The following NFIB variants were observed in gnomAD, a reference collection of about 807,000 sequenced individuals.
The protein encoded by NFIB is nuclear factor 1 B-type.
A neutral mutation model predicts 61.5 loss-of-function variants in NFIB; 11 were observed. The observed-to-expected ratio is 0.18, with a 90% confidence interval of 0.11 to 0.30. The LOEUF is 0.30. Among genes scored for constraint, NFIB ranks in the 10% least tolerant of loss-of-function variants. NFIB has a pLI of 1.00. For missense variants in NFIB, 471 were observed against 608.9 expected (o/e 0.77, Z 2.38); for synonymous variants, 260 against 216.5 (o/e 1.20, Z -1.76).
At chr9:14,147,862 G>A (rs1201004759) in intron 5 of NFIB, among the ~76,000 whole-genome samples, 1 of 151,754 alleles carries the variant, frequency 6.6e-6, no homozygotes, top group Non-Finnish European at 1.5e-5. Flanking sequence ...GGCTGGTGTT[G>A]AATTCCTGGA....
chr9:14,226,168 C>T (rs937869084), intron 2 of NFIB, among the ~76,000 whole-genome samples: 3 of 151,728 alleles, frequency 2.0e-5, no homozygotes, highest in Non-Finnish European at 2.9e-5. Flanking sequence ...CATTGAGATA[C>T]GGATCATCTC....
At chr9:14,378,656 C>G (rs2061448593) in intron 1 of NFIB, among the ~76,000 whole-genome samples, 1 of 152,166 alleles carries the variant, frequency 6.6e-6, no homozygotes, top group African/African-American at 2.4e-5. Context: ...CACCCAGCCC[C>G]AATTACTTTA....
At chr9:14,408,365 T>C in the NFIB span, among the ~76,000 whole-genome samples, 1 of 152,220 alleles carries the variant, frequency 6.6e-6, no homozygotes, top group South Asian at 2.1e-4. Flanking sequence ...TCATCAACTA[T>C]GAGTAGTTCT....
chr9:14,318,505 CTTTTTTTTTTT>C (rs34481505), upstream of NFIB, among the ~76,000 whole-genome samples: 4 of 66,842 alleles, frequency 6.0e-5, no homozygotes, highest in Non-Finnish European at 7.8e-5. Flanking sequence ...CACTCGATGC[CTTTTTTTTTTT>C]TTTTTTTTTT....
chr9:14,365,069 G>A (rs920369895), intron 1 of NFIB, among the ~76,000 whole-genome samples: 38 of 152,194 alleles, frequency 2.5e-4, no homozygotes, highest in Admixed American at 3.9e-4. Flanking sequence ...TTTCAGAGTA[G>A]TGAAGATTAA....
intron 2 of NFIB, among the ~76,000 whole-genome samples, chr9:14,297,645 A>T (rs1438032774): frequency 2.0e-5 from 3 of 152,100 alleles, no homozygotes; most frequent in Non-Finnish European, 4.4e-5. Flanking sequence ...ATTGTCTCTC[A>T]TCTGTCAGTG....
At chr9:14,230,636 A>C (rs565592336) in intron 2 of NFIB, among the ~76,000 whole-genome samples, 1 of 152,206 alleles carries the variant, frequency 6.6e-6, no homozygotes, top group Non-Finnish European at 1.5e-5. Context: ...TTAGACTTAA[A>C]GGGTGAATAA....
chr9:14,159,530 G>A (rs891650117), intron 3 of NFIB, among the ~76,000 whole-genome samples: 4 of 152,180 alleles, frequency 2.6e-5, no homozygotes, highest in Non-Finnish European at 2.9e-5. Context: ...AAGTGGGGTA[G>A]CCTGGGAGAA....
chr9:14,379,667 A>G (rs190789282), intron 1 of NFIB, among the ~76,000 whole-genome samples: 20 of 152,084 alleles, frequency 1.3e-4, no homozygotes, highest in African/African-American at 4.1e-4. Context: ...TTCTTAGGTT[A>G]TCAGATTTTA....
intron 1 of NFIB, among the ~76,000 whole-genome samples, chr9:14,349,863 C>T (rs1232086608): frequency 3.3e-5 from 5 of 152,296 alleles, no homozygotes; most frequent in Non-Finnish European, 1.5e-5. Flanking sequence ...TCCCCCGCCT[C>T]CCTTAAAAAA....
the NFIB span, among the ~76,000 whole-genome samples, chr9:14,518,204 TA>T: frequency 1.3e-5 from 2 of 152,218 alleles, no homozygotes; most frequent in African/African-American, 4.8e-5. Flanking sequence ...ATCATAAAGA[TA>T]TTTTTCTATA....
intron 2 of NFIB, among the ~76,000 whole-genome samples, chr9:14,303,829 C>T (rs1481672748): frequency 1.3e-5 from 2 of 152,168 alleles, no homozygotes; most frequent in South Asian, 2.1e-4. Context: ...ACAGCCGAAG[C>T]GCAGCCCTCT....
intron 8 of NFIB, among the ~76,000 whole-genome samples, chr9:14,116,686 C>T (rs773656369): frequency 7.9e-5 from 12 of 152,250 alleles, no homozygotes; most frequent in Non-Finnish European, 2.9e-5. Context: ...AAATGGAATT[C>T]CTTACTGAAC....
upstream of NFIB, among the ~76,000 whole-genome samples, chr9:14,401,547 A>G (rs940640486): frequency 6.6e-6 from 1 of 152,204 alleles, no homozygotes; most frequent in Non-Finnish European, 1.5e-5. Flanking sequence ...TAGTTACTCA[A>G]CAAGTATTTA....
the NFIB span, among the ~76,000 whole-genome samples, chr9:14,433,372 C>T: frequency 2.0e-5 from 3 of 152,308 alleles, no homozygotes; most frequent in Non-Finnish European, 2.9e-5. Context: ...CAGAGATTTT[C>T]GTTTTGAGCA....
Position 14,125,751 on chromosome 9 carries a change from G to T in NFIB, c.941C>A (p.Thr314Asn). 1 of 1,614,086 alleles carries T rather than the reference G, an allele frequency of 6.2e-7. No individual in the cohort carries two copies. The highest frequency in any genetic ancestry group is 1.7e-4 in the Middle Eastern group (1 of 6,058). ...TGGCTTTTCAGGCTTCTTCATAGTAGTCGGAGAAGACATATCTGCGAGAAA... is the reference window on the plus strand; with the variant it reads ...TGGCTTTTCAGGCTTCTTCATAGTATTCGGAGAAGACATATCTGCGAGAAA... Reference protein sequence around the residue: ...HERDQDMSSPTTMKKPEKPLF... With the variant: ...HERDQDMSSPNTMKKPEKPLF... Residue 314 changes from threonine to asparagine, a missense_variant, in exon 7 of 11, where the codon ACT becomes AAT. Thr to Asn is a moderately conservative substitution (Grantham distance 65). Transcript: ENST00000380953.
intron 1 of NFIB, among the ~76,000 whole-genome samples, chr9:14,380,581 T>A (rs1588397183): frequency 1.3e-5 from 2 of 152,204 alleles, no homozygotes; most frequent in South Asian, 2.1e-4. Flanking sequence ...AAGCTCTTCA[T>A]TTATGATAAC....
At chr9:14,493,124 C>G in the NFIB span, among the ~76,000 whole-genome samples, 9 of 152,210 alleles carry the variant, frequency 5.9e-5, no homozygotes, top group Non-Finnish European at 4.4e-5. Flanking sequence ...AGTGCTCTCT[C>G]TCTTTTATTA....
the NFIB span, among the ~76,000 whole-genome samples, chr9:14,421,742 T>C: frequency 1.3e-5 from 2 of 152,228 alleles, no homozygotes; most frequent in Non-Finnish European, 2.9e-5. Flanking sequence ...AAGATTCATT[T>C]TGATACACCT....
Sources: allele counts gnomAD v4.1 joint callset (sites outside exome capture counted in the v4.1 genomes callset), GRCh38; gene constraint gnomAD v4.1.1; transcripts MANE v1.5; gene names NCBI Gene and HGNC (gene_info 2026-07-23, HGNC 2026-07-21).